Variants in GABBR2 observed in about 807,000 individuals in gnomAD.
The protein encoded by GABBR2 is G-protein coupled receptor 51.
A neutral mutation model predicts 105.6 loss-of-function variants in GABBR2; 23 were observed. The ratio of observed to expected loss-of-function variants is 0.22; its 90% CI spans 0.16 to 0.31. GABBR2 has a LOEUF of 0.31. GABBR2 is among the 10% of genes least tolerant of loss of function. GABBR2 has a pLI of 1.00. For missense variants in GABBR2, 734 were observed against 1,245.5 expected, an observed-to-expected ratio of 0.59 and a Z score of 6.18; for synonymous variants, 478 against 499.7, an observed-to-expected ratio of 0.96 and a Z score of 0.58.
chr9:98,642,638 ACAT>A (rs1352079942), intron 1 of GABBR2, among the ~76,000 whole-genome samples: 1 of 152,172 alleles, frequency 6.6e-6, no homozygotes, highest in Non-Finnish European at 1.5e-5. Context: ...TATGAGTGAG[ACAT>A]CATATTATTT....
intron 3 of GABBR2, among the ~76,000 whole-genome samples, chr9:98,525,950 A>G (rs185811015): frequency 3.3e-5 from 5 of 152,360 alleles, no homozygotes; most frequent in African/African-American, 1.2e-4. Flanking sequence ...ATGAAATGTC[A>G]TTATAGGCAA....
intron 1 of GABBR2, among the ~76,000 whole-genome samples, chr9:98,673,777 A>G (rs1210195848): frequency 6.6e-6 from 1 of 152,184 alleles, no homozygotes; most frequent in Non-Finnish European, 1.5e-5. Context: ...CATAATTGCC[A>G]CTATCACTGT....
intron 1 of GABBR2, among the ~76,000 whole-genome samples, chr9:98,602,196 G>A (rs148051122): frequency 0.017 from 2,524 of 151,226 alleles, 24 homozygotes; most frequent in Non-Finnish European, 0.024. Flanking sequence ...GTTGGTGGCC[G>A]GGTGCGGTGG....
intron 2 of GABBR2, among the ~76,000 whole-genome samples, chr9:98,559,041 C>T (rs540898975): frequency 2.0e-5 from 3 of 152,122 alleles, no homozygotes; most frequent in Non-Finnish European, 4.4e-5. Flanking sequence ...TTCTGGGCCT[C>T]GGTTTCCTGA....
At chr9:98,580,244 C>G (rs187206939) in intron 1 of GABBR2, among the ~76,000 whole-genome samples, 2 of 152,338 alleles carry the variant, frequency 1.3e-5, no homozygotes, top group East Asian at 1.9e-4. Context: ...GCATGGCTCA[C>G]TCCTTCCCAT....
intron 3 of GABBR2, among the ~76,000 whole-genome samples, chr9:98,507,857 A>G (rs1339560718): frequency 6.6e-6 from 1 of 152,214 alleles, no homozygotes; most frequent in Non-Finnish European, 1.5e-5. Context: ...CTGAGGAAGC[A>G]GGACCAGGTC....
At chr9:98,663,523 G>A (rs1830294712) in intron 1 of GABBR2, among the ~76,000 whole-genome samples, 1 of 152,110 alleles carries the variant, frequency 6.6e-6, no homozygotes. Flanking sequence ...CAGAGATCTA[G>A]GAAGACGTTT....
At chr9:98,345,926 C>T (rs986060694) in intron 13 of GABBR2, among the ~76,000 whole-genome samples, 11 of 152,196 alleles carry the variant, frequency 7.2e-5, no homozygotes, top group Non-Finnish European at 1.5e-4. Context: ...TGACACTATA[C>T]AGTATTCTAT....
At chr9:98,299,061 G>T (rs562772036) in intron 17 of GABBR2, among the ~76,000 whole-genome samples, 163 bp downstream of exon 17, 3 of 152,220 alleles carry the variant, frequency 2.0e-5, no homozygotes, top group African/African-American at 7.2e-5. Context: ...CTGAACTGTG[G>T]TCAGCAGACA....
At chr9:98,633,173 G>A (rs1046273611) in intron 1 of GABBR2, among the ~76,000 whole-genome samples, 1 of 152,130 alleles carries the variant, frequency 6.6e-6, no homozygotes, top group African/African-American at 2.4e-5. Flanking sequence ...GTACCAGCCA[G>A]CTCCAGAACA....
rs183429288 is a variant in GABBR2 at position 98,585,363 on chromosome 9, C to T, written c.322-7291G>A. ...GTAGGGACATGGATGAAGCTGGAAA[C>T]CATCATTCTCAGCAAACTATCGCAA... On this transcript the variant is annotated intron_variant, in intron 1 of 18. Coordinates refer to ENST00000259455, the MANE Select transcript of GABBR2 (RefSeq NM_005458.8). 4.4e-3 allele frequency among the ~76,000 whole-genome samples: 661 copies of T among 151,080 alleles called. 3 individuals carry two copies. The highest frequency in any genetic ancestry group is 0.015 in the African/African-American group (630 of 41,076).
chr9:98,431,637 C>T (rs1337951609), intron 7 of GABBR2, among the ~76,000 whole-genome samples: 1 of 151,764 alleles, frequency 6.6e-6, no homozygotes, highest in Non-Finnish European at 1.5e-5. Flanking sequence ...CCTAAAATGC[C>T]AGGCTATATC....
chr9:98,604,816 C>T (rs561141132), intron 1 of GABBR2, among the ~76,000 whole-genome samples: 27 of 152,316 alleles, frequency 1.8e-4, no homozygotes, highest in Non-Finnish European at 3.1e-4. Flanking sequence ...CAAACTGAGG[C>T]TCGGAGAGAT....
At chr9:98,563,416 G>C (rs918995034) in intron 2 of GABBR2, among the ~76,000 whole-genome samples, 5 of 152,162 alleles carry the variant, frequency 3.3e-5, no homozygotes, top group Non-Finnish European at 7.3e-5. Flanking sequence ...TACCGGTTAC[G>C]GACGCATCCA....
chr9:98,530,590 C>T (rs866145967), intron 3 of GABBR2, among the ~76,000 whole-genome samples: 1 of 152,040 alleles, frequency 6.6e-6, no homozygotes, highest in Non-Finnish European at 1.5e-5. Flanking sequence ...CCAGCCTGGG[C>T]AACAAAATGA....
intron 7 of GABBR2, among the ~76,000 whole-genome samples, chr9:98,438,286 A>G (rs941465876): frequency 2.6e-5 from 4 of 152,036 alleles, no homozygotes; most frequent in African/African-American, 9.7e-5. Flanking sequence ...TCAGCCATCC[A>G]ACTATCTACT....
At chr9:98,296,774 A>T (rs1588085945) in intron 17 of GABBR2, among the ~76,000 whole-genome samples, 1 of 152,130 alleles carries the variant, frequency 6.6e-6, no homozygotes, top group East Asian at 1.9e-4. Flanking sequence ...GTATTGTTAC[A>T]CATCATTTCT....
At chr9:98,498,927 G>A (rs558421183) in intron 3 of GABBR2, among the ~76,000 whole-genome samples, 8 of 152,358 alleles carry the variant, frequency 5.3e-5, no homozygotes, top group Admixed American at 5.2e-4. Flanking sequence ...CCTGGGAGGA[G>A]CTCAATGCGT....
chr9:98,524,422 C>A (rs1827922424), intron 3 of GABBR2, among the ~76,000 whole-genome samples: 1 of 152,142 alleles, frequency 6.6e-6, no homozygotes, highest in Admixed American at 6.5e-5. Flanking sequence ...ACAAACAGCA[C>A]AACAAACAGT....
Sources: gnomAD v4.1 joint callset for allele counts (sites outside exome capture counted in the v4.1 genomes callset) on GRCh38, gnomAD v4.1.1 for gene constraint, MANE v1.5 for transcripts, NCBI Gene and HGNC (gene_info 2026-07-23, HGNC 2026-07-21) for gene names.